LPP: variants seen among roughly 807,000 people sequenced by gnomAD.
LPP encodes the protein lipoma-preferred partner.
A neutral mutation model predicts 60.4 loss-of-function variants in LPP; 38 were observed. That is an observed-to-expected ratio of 0.63 (90% CI 0.49 to 0.83). LPP has a LOEUF of 0.83. Among genes scored for constraint, LPP ranks in the 40% least tolerant of loss-of-function variants. The pLI is 0.00. For missense variants in LPP, 902 were observed against 783.6 expected, an observed-to-expected ratio of 1.15 and a Z score of -1.80; for synonymous variants, 328 against 290.8, an observed-to-expected ratio of 1.13 and a Z score of -1.30.
intron 1 of LPP, among the ~76,000 whole-genome samples, chr3:188,164,274 T>C (rs2148728786): frequency 6.6e-6 from 1 of 152,302 alleles, no homozygotes. Context: ...TCTCTGTTCA[T>C]GTGTGTACTT....
At chr3:188,436,007 C>A (rs1412957850) in intron 4 of LPP, among the ~76,000 whole-genome samples, 1 of 152,178 alleles carries the variant, frequency 6.6e-6, no homozygotes, top group East Asian at 1.9e-4. Context: ...CTTCCTCTGT[C>A]CCAAACCTAA....
intron 6 of LPP, among the ~76,000 whole-genome samples, chr3:188,585,689 C>A (rs1231912232): frequency 6.6e-6 from 1 of 152,196 alleles, no homozygotes; most frequent in Non-Finnish European, 1.5e-5. Context: ...CAATTAAAAA[C>A]CTGCTATTAC....
intron 7 of LPP, among the ~76,000 whole-genome samples, chr3:188,637,679 G>T (rs1849115547): frequency 6.6e-6 from 1 of 152,086 alleles, no homozygotes; most frequent in South Asian, 2.1e-4. Flanking sequence ...TGATAAAGGG[G>T]ATATCACCAC....
intron 5 of LPP, among the ~76,000 whole-genome samples, chr3:188,513,471 C>T (rs1224502789): frequency 6.6e-6 from 1 of 151,756 alleles, no homozygotes; most frequent in Non-Finnish European, 1.5e-5. Flanking sequence ...AAAGGGGGTG[C>T]CAAATATCTA....
intron 9 of LPP, among the ~76,000 whole-genome samples, chr3:188,808,877 T>C (rs1384603476): frequency 6.6e-6 from 1 of 152,170 alleles, no homozygotes; most frequent in Non-Finnish European, 1.5e-5. Context: ...TGCTTCTCCC[T>C]GTGTCCATGT....
intron 9 of LPP, among the ~76,000 whole-genome samples, chr3:188,782,633 T>C (rs1740172927): frequency 6.6e-6 from 1 of 152,040 alleles, no homozygotes; most frequent in South Asian, 2.1e-4. Flanking sequence ...AGATCATGAA[T>C]GCAGTTCCTA....
At chr3:188,181,058 A>G (rs1406642919) in intron 1 of LPP, among the ~76,000 whole-genome samples, 1 of 152,156 alleles carries the variant, frequency 6.6e-6, no homozygotes, top group Non-Finnish European at 1.5e-5. Context: ...ATGAAAAAGC[A>G]CAAAGAAGAA....
At chr3:188,855,283 C>T (rs538360826) in intron 9 of LPP, among the ~76,000 whole-genome samples, 1 of 152,314 alleles carries the variant, frequency 6.6e-6, no homozygotes, top group East Asian at 1.9e-4. Flanking sequence ...ATTTTGTATT[C>T]AACCAATACT....
At chr3:188,826,083 C>T (rs1006138792) in intron 9 of LPP, among the ~76,000 whole-genome samples, 2 of 152,154 alleles carry the variant, frequency 1.3e-5, no homozygotes, top group Non-Finnish European at 1.5e-5. Context: ...CAACTCATAC[C>T]GGATAGCCTG....
chr3:188,635,038 A>T (rs1848475685), intron 7 of LPP, among the ~76,000 whole-genome samples: 1 of 152,094 alleles, frequency 6.6e-6, no homozygotes, highest in African/African-American at 2.4e-5. Flanking sequence ...CAACCACTCC[A>T]TCTCCCTAAT....
intron 9 of LPP, among the ~76,000 whole-genome samples, chr3:188,776,355 T>C (rs968094811): frequency 4.6e-5 from 7 of 152,166 alleles, no homozygotes; most frequent in Non-Finnish European, 7.4e-5. Flanking sequence ...TATCTCAACA[T>C]TTTTTTATGT....
At chr3:188,166,436 T>C (rs1398460007) in intron 1 of LPP, among the ~76,000 whole-genome samples, 1 of 152,222 alleles carries the variant, frequency 6.6e-6, no homozygotes, top group Admixed American at 6.5e-5. Flanking sequence ...GCTTGCAGGA[T>C]CCTGGTCAAA....
At chr3:188,741,175 A>G (rs1039861418) in intron 8 of LPP, among the ~76,000 whole-genome samples, 3 of 121,528 alleles carry the variant, frequency 2.5e-5, no homozygotes, top group African/African-American at 6.3e-5. Flanking sequence ...GAAATTTATG[A>G]AAAAAAAAAA....
intron 6 of LPP, among the ~76,000 whole-genome samples, chr3:188,565,274 T>C (rs1831853490): frequency 6.6e-6 from 1 of 152,098 alleles, no homozygotes; most frequent in Middle Eastern, 3.4e-3. Flanking sequence ...GAGACAACAT[T>C]GTATGTACTT....
chr3:188,195,485 C>T (rs1729286261), intron 1 of LPP, among the ~76,000 whole-genome samples: 1 of 152,134 alleles, frequency 6.6e-6, no homozygotes, highest in South Asian at 2.1e-4. Context: ...AGCATCTATC[C>T]ATCCTTCCAT....
chr3:188,448,906 T>G lies in LPP; in HGVS notation c.194-35686T>G, dbSNP rs1338392385. ...ATCAGAAATGTGTCTTTTTAAACTG[T>G]ATTCTACCTTCTTAAATCTTTTGCC... On this transcript the variant is annotated intron_variant, in intron 4 of 11. Coordinates refer to ENST00000617246, the MANE Select transcript of LPP (RefSeq NM_001375462.1). Among the ~76,000 whole-genome samples the G allele has an allele frequency of 3.3e-5, 5 of 152,242 alleles. No homozygotes were observed. The East Asian group carries it at 9.6e-4, about 29-fold the overall frequency.
intron 2 of LPP, among the ~76,000 whole-genome samples, chr3:188,236,617 C>T (rs981666430): frequency 6.6e-6 from 1 of 152,168 alleles, no homozygotes; most frequent in Admixed American, 6.5e-5. Flanking sequence ...AAGCGAGTCA[C>T]ACAAAATTAT....
chr3:188,610,397 C>T lies in LPP; in HGVS notation c.1113+553C>T, dbSNP rs1843444070. 6.6e-6 allele frequency among the ~76,000 whole-genome samples: 1 copy of T among 152,180 alleles called. No homozygotes were observed. Among genetic ancestry groups the T allele is most frequent in the African/African-American group, 2.4e-5 (1 of 41,446 alleles). On this transcript the variant is annotated intron_variant, in intron 7 of 11. Coordinates refer to ENST00000617246, the MANE Select transcript of LPP (RefSeq NM_001375462.1). The surrounding 1 kb of genome is among the most constrained non-coding windows in gnomAD (Gnocchi z 4.4). ...CGGTTGCTGGGCCAGAACAAGTGGC[C>T]AAGGACCCAGGAAATGGGTGAGGCC...
chr3:188,179,614 C>G (rs1724316439), intron 1 of LPP: 1 of 390,724 alleles, frequency 2.6e-6, no homozygotes, highest in East Asian at 7.2e-5. Flanking sequence ...TTTACTAGAA[C>G]TCCATTTCTC....
Sources: allele counts gnomAD v4.1 joint callset (sites outside exome capture counted in the v4.1 genomes callset), GRCh38; gene constraint gnomAD v4.1.1; non-coding constraint Gnocchi (gnomAD v3.1); transcripts MANE v1.5; gene names NCBI Gene and HGNC (gene_info 2026-07-23, HGNC 2026-07-21).